Variants in CERS6 observed in about 807,000 individuals in gnomAD.
CERS6 encodes the protein ceramide synthase 6, also known as LAG1 homolog, ceramide synthase 6.
CERS6 carries 26 observed loss-of-function variants against 56.8 expected under a neutral mutation model. The ratio of observed to expected loss-of-function variants is 0.46; its 90% CI spans 0.34 to 0.63. The LOEUF is 0.63. Among genes scored for constraint, CERS6 ranks in the 30% least tolerant of loss-of-function variants. The pLI is 0.01. For missense variants in CERS6, 415 were observed against 467.5 expected (o/e 0.89, Z 1.04); for synonymous variants, 164 against 173.3 (o/e 0.95, Z 0.42).
In CERS6 at chr2:168,774,762, T is replaced by G. The variant is rs900319518; in HGVS notation, c.*5100T>G. On this transcript the variant is annotated 3_prime_UTR_variant, in exon 10 of 10. Transcript: ENST00000305747. Reference sequence around the variant, plus strand: ...AACCTCTGAGTTTGATTTCCCAAAGTTTCATAAAGCCCCTAAGCTCATGAT... The same window carrying G: ...AACCTCTGAGTTTGATTTCCCAAAGGTTCATAAAGCCCCTAAGCTCATGAT... The G allele has an allele frequency of 1.3e-5, 2 of 152,196 alleles. No individual in the cohort carries two copies. Among genetic ancestry groups the G allele is most frequent in the African/African-American group, 4.8e-5 (2 of 41,444 alleles). The allele number at this position is 152,196 out of a possible 1,614,324, so 9.4% of individuals were successfully genotyped here. A position where few individuals can be genotyped will look rare whatever the true frequency, so the allele number is the denominator to read the frequency against.
intron 4 of CERS6, among the ~76,000 whole-genome samples, chr2:168,680,949 G>A (rs1307819019): frequency 2.6e-5 from 4 of 152,212 alleles, no homozygotes; most frequent in Non-Finnish European, 5.9e-5. Flanking sequence ...TCCTGCTGTA[G>A]CATGTAATGT....
intron 3 of CERS6, among the ~76,000 whole-genome samples, chr2:168,598,745 T>G (rs1230152867): frequency 6.6e-6 from 1 of 152,220 alleles, no homozygotes; most frequent in Non-Finnish European, 1.5e-5. Flanking sequence ...CCCTTAATCT[T>G]TTTTTAATCT....
chr2:168,702,154 A>G (rs1441998052), intron 6 of CERS6, among the ~76,000 whole-genome samples: 1 of 151,982 alleles, frequency 6.6e-6, no homozygotes, highest in Non-Finnish European at 1.5e-5. Context: ...TGCAGAACCT[A>G]TGGATAATGG....
intron 2 of CERS6, among the ~76,000 whole-genome samples, chr2:168,554,389 G>A: frequency 6.6e-6 from 1 of 152,162 alleles, no homozygotes; most frequent in Non-Finnish European, 1.5e-5. Context: ...CTTATTTGGA[G>A]ATAGGATCTT....
intron 2 of CERS6, among the ~76,000 whole-genome samples, chr2:168,559,735 A>ATATATATATATATATATATAT (rs1326210497): frequency 2.1e-5 from 2 of 95,250 alleles, no homozygotes; most frequent in Non-Finnish European, 4.3e-5. Flanking sequence ...GAAAGGTATC[A>ATATATATATATATATATATAT]TATATATATA....
chr2:168,762,345 G>A (rs1398472399), intron 8 of CERS6, among the ~76,000 whole-genome samples: 2 of 152,138 alleles, frequency 1.3e-5, no homozygotes, highest in African/African-American at 4.8e-5. Flanking sequence ...TCCCTGCCAT[G>A]CTCAATGGCT....
chr2:168,515,414 A>AT (rs1386518195), intron 1 of CERS6, among the ~76,000 whole-genome samples: 1 of 152,056 alleles, frequency 6.6e-6, no homozygotes, highest in Non-Finnish European at 1.5e-5. Flanking sequence ...AAAAAAAAAA[A>AT]GGAAAATTCT....
chr2:168,758,167 G>A (rs1228081973), intron 8 of CERS6, among the ~76,000 whole-genome samples: 1 of 152,202 alleles, frequency 6.6e-6, no homozygotes, highest in African/African-American at 2.4e-5. Flanking sequence ...TTTCATTTAT[G>A]TTTTGTGTAG....
chr2:168,508,002 A>C (rs1051259917), intron 1 of CERS6, among the ~76,000 whole-genome samples: 1 of 152,196 alleles, frequency 6.6e-6, no homozygotes, highest in African/African-American at 2.4e-5. Flanking sequence ...ATTCTTAGAC[A>C]GTTACCTATT....
At chr2:168,593,199 A>G (rs998797342) in intron 3 of CERS6, among the ~76,000 whole-genome samples, 1 of 152,210 alleles carries the variant, frequency 6.6e-6, no homozygotes. Context: ...CATCGGGATA[A>G]TATCACATCT....
At chr2:168,664,493 G>A (rs1403078321) in intron 4 of CERS6, among the ~76,000 whole-genome samples, 1 of 152,242 alleles carries the variant, frequency 6.6e-6, no homozygotes, top group African/African-American at 2.4e-5. Context: ...TATTAAGAAT[G>A]TAAGGGAATA....
chr2:168,605,059 A>T lies in CERS6; in HGVS notation c.408-25926A>T, dbSNP rs114154990. 4.4e-3 allele frequency among the ~76,000 whole-genome samples: 667 copies of T among 152,328 alleles called. 7 individuals carry two copies. Among genetic ancestry groups the T allele is most frequent in the African/African-American group, 0.015 (621 of 41,572 alleles). ...ACCCAGTTCAACAAGTCACAGGAAGATGAGGAAAGTTTGGAACTTCCTAGA... is the reference window on the plus strand; with the variant it reads ...ACCCAGTTCAACAAGTCACAGGAAGTTGAGGAAAGTTTGGAACTTCCTAGA... On this transcript the variant is annotated intron_variant, in intron 3 of 9. Transcript: ENST00000305747.
intron 1 of CERS6, among the ~76,000 whole-genome samples, chr2:168,474,863 A>G (rs1294521446): frequency 2.6e-5 from 4 of 152,214 alleles, no homozygotes; most frequent in Non-Finnish European, 4.4e-5. Context: ...GTTACCTTGA[A>G]CAAGAAATCA....
intron 3 of CERS6, among the ~76,000 whole-genome samples, chr2:168,564,021 C>G (rs1003586817): frequency 5.9e-5 from 9 of 152,086 alleles, no homozygotes; most frequent in Non-Finnish European, 1.5e-5. Flanking sequence ...CCACTAGATT[C>G]TCCTGCCTTT....
intron 4 of CERS6, among the ~76,000 whole-genome samples, chr2:168,671,567 C>G (rs1685918457): frequency 6.6e-6 from 1 of 152,100 alleles, no homozygotes. Context: ...AATCGTGAGT[C>G]TCATTATAAA....
At chr2:168,550,405 G>A (rs1044258313) in intron 2 of CERS6, among the ~76,000 whole-genome samples, 2 of 152,028 alleles carry the variant, frequency 1.3e-5, no homozygotes, top group African/African-American at 2.4e-5. Context: ...CTTGAACTCC[G>A]GGCTTCAAGC....
At chr2:168,602,509 C>T (rs1302412362) in intron 3 of CERS6, among the ~76,000 whole-genome samples, 1 of 146,824 alleles carries the variant, frequency 6.8e-6, no homozygotes, top group African/African-American at 2.7e-5. Context: ...CACAGGAACA[C>T]GTAGTTAAAT....
At chr2:168,725,887 A>C (rs926643629) in intron 8 of CERS6, among the ~76,000 whole-genome samples, 46 of 152,266 alleles carry the variant, frequency 3.0e-4, no homozygotes, top group African/African-American at 9.9e-4. Flanking sequence ...GTAGTCACAC[A>C]GTCAGTGATC....
intron 1 of CERS6, among the ~76,000 whole-genome samples, chr2:168,527,855 G>A (rs772610351): frequency 5.1e-4 from 77 of 151,942 alleles, no homozygotes; most frequent in Non-Finnish European, 8.5e-4. Context: ...CAAGTAGCTG[G>A]GACTACAGGT....
Sources: gnomAD v4.1 joint callset for allele counts (sites outside exome capture counted in the v4.1 genomes callset) on GRCh38, gnomAD v4.1.1 for gene constraint, MANE v1.5 for transcripts, NCBI Gene and HGNC (gene_info 2026-07-23, HGNC 2026-07-21) for gene names.